PCDHGA3: variants seen among roughly 807,000 people sequenced by gnomAD.
PCDHGA3 encodes protocadherin gamma subfamily A, 3, also known as protocadherin gamma-A3.
In PCDHGA3, 40 loss-of-function variants were observed where a neutral mutation model predicts 58.5. That is an observed-to-expected ratio of 0.68 (90% CI 0.53 to 0.89). The LOEUF is 0.89. Ranked by LOEUF, PCDHGA3 falls within the 40% of genes least tolerant of loss-of-function variation. PCDHGA3 has a pLI of 0.00. For synonymous variants in PCDHGA3, 530 were observed against 525.7 expected, an observed-to-expected ratio of 1.01 and a Z score of -0.11; for missense variants, 1,223 against 1,195.9, an observed-to-expected ratio of 1.02 and a Z score of -0.33.
intron 1 of PCDHGA3, among the ~76,000 whole-genome samples, chr5:141,459,546 C>T (rs575349914): frequency 9.9e-5 from 15 of 152,102 alleles, no homozygotes; most frequent in African/African-American, 3.6e-4. Flanking sequence ...TTTTTTATTT[C>T]TCTTGGATAA....
chr5:141,404,840 C>G lies in PCDHGA3; in HGVS notation c.2424+58383C>G, dbSNP rs377389968. ...GCACACAGGTGAAGTGCGCACAGCT[C>G]GGGCCCTGCTAGATAGAGATGCGCT... is the stretch of plus-strand genomic sequence containing the variant. On this transcript the variant is annotated intron_variant, in intron 1 of 3. Transcript: ENST00000253812. 4 of 1,613,698 alleles carry G rather than the reference C, an allele frequency of 2.5e-6. No individual in the cohort carries two copies. In the Admixed American group the frequency reaches 5.0e-5, roughly 20 times the overall value.
At chr5:141,498,669 C>T (rs774292307) in intron 2 of PCDHGA3, among the ~76,000 whole-genome samples, 29 of 152,156 alleles carry the variant, frequency 1.9e-4, no homozygotes, top group African/African-American at 6.0e-4. Flanking sequence ...TGGTGGCTCA[C>T]GCCTGTAATC....
At chr5:141,468,737 G>A (rs1288031024) in intron 1 of PCDHGA3, among the ~76,000 whole-genome samples, 1 of 151,948 alleles carries the variant, frequency 6.6e-6, no homozygotes, top group African/African-American at 2.4e-5. Context: ...GTGGTGGCGG[G>A]TGCCTGTAGT....
chr5:141,433,329 G>A, intron 1 of PCDHGA3: 1 of 702,998 alleles, frequency 1.4e-6, no homozygotes, highest in Non-Finnish European at 2.4e-6. Context: ...GTGTAACAGG[G>A]ACTACAGGTG....
At chr5:141,466,654 C>A (rs985749176) in intron 1 of PCDHGA3, among the ~76,000 whole-genome samples, 12 of 152,178 alleles carry the variant, frequency 7.9e-5, no homozygotes, top group African/African-American at 2.9e-4. Flanking sequence ...TTTCACAAAA[C>A]ATCAGTGATT....
chr5:141,427,973 C>T (rs754410723), intron 1 of PCDHGA3: 3 of 1,594,054 alleles, frequency 1.9e-6, no homozygotes, highest in Non-Finnish European at 2.6e-6. Context: ...TGCTGTACCC[C>T]GCGCTGGGGC....
At chr5:141,460,951 G>GTATATATATA (rs200454978) in intron 1 of PCDHGA3, among the ~76,000 whole-genome samples, 1 of 139,722 alleles carries the variant, frequency 7.2e-6, no homozygotes, top group African/African-American at 2.8e-5. Context: ...TATGTATTAT[G>GTATATATATA]TATATATATA....
chr5:141,473,186 T>C (rs984810414), intron 1 of PCDHGA3, among the ~76,000 whole-genome samples: 1 of 152,134 alleles, frequency 6.6e-6, no homozygotes, highest in African/African-American at 2.4e-5. Flanking sequence ...CTTGAAGGAG[T>C]AAATGTATCT....
At chr5:141,414,918 G>A (rs1316323072) in intron 1 of PCDHGA3, 2 of 1,614,180 alleles carry the variant, frequency 1.2e-6, no homozygotes, top group Admixed American at 3.3e-5. Flanking sequence ...GCGTGGAGCT[G>A]GCGCCCCGCT....
At chr5:141,470,872 T>TTTTTTG (rs900302332) in intron 1 of PCDHGA3, among the ~76,000 whole-genome samples, 2 of 151,814 alleles carry the variant, frequency 1.3e-5, no homozygotes, top group Admixed American at 1.3e-4. Context: ...GTTTGTTTGT[T>TTTTTTG]TTTTTGTTTT....
chr5:141,394,868 C>G lies in PCDHGA3; in HGVS notation c.2424+48411C>G, dbSNP rs1159006718. On this transcript the variant is annotated intron_variant, in intron 1 of 3. Coordinates refer to ENST00000253812, the MANE Select transcript of PCDHGA3 (RefSeq NM_018916.4). ...GTCTGAAGCCTTCGGTCGACCCGAA[C>G]GATTCGAGCCTTACACTCTATCTCG... The G allele has an allele frequency of 1.7e-5, 27 of 1,613,710 alleles. No homozygotes were observed. In the African/African-American group the frequency reaches 1.7e-4, roughly 10 times the overall value.
At chr5:141,351,867 C>G (rs953262844) in intron 1 of PCDHGA3, 43 of 1,613,138 alleles carry the variant, frequency 2.7e-5, no homozygotes, top group Non-Finnish European at 3.6e-5. Flanking sequence ...CAGGGCTCCC[C>G]CGCGCTCAGC....
At chr5:141,483,801 C>CT (rs1486591615) in intron 1 of PCDHGA3, among the ~76,000 whole-genome samples, 8 of 152,168 alleles carry the variant, frequency 5.3e-5, no homozygotes, top group Non-Finnish European at 8.8e-5. Flanking sequence ...GTTGTTGCTG[C>CT]TTTTTTTGGC....
At chr5:141,413,229 C>A in intron 1 of PCDHGA3, 1 of 1,613,914 alleles carries the variant, frequency 6.2e-7, no homozygotes, top group South Asian at 1.1e-5. Context: ...GCGGGCTGGT[C>A]CTGCTCTGCC....
intron 1 of PCDHGA3, chr5:141,346,668 T>C: frequency 1.4e-6 from 1 of 708,510 alleles, no homozygotes; most frequent in Non-Finnish European, 2.3e-6. Context: ...AAATAATACA[T>C]CGTGAGTGAA....
chr5:141,454,894 G>A (rs1371368633), intron 1 of PCDHGA3, among the ~76,000 whole-genome samples: 2 of 126,736 alleles, frequency 1.6e-5, no homozygotes, highest in Non-Finnish European at 3.1e-5. Context: ...TGCTAGCACC[G>A]CCTCCCGGGT....
chr5:141,426,451 C>T (rs561567196), intron 1 of PCDHGA3: 1 of 308,946 alleles, frequency 3.2e-6, no homozygotes, highest in Non-Finnish European at 6.4e-6. Flanking sequence ...GGACATGCGG[C>T]TGCATGTTCA....
At chr5:141,389,061 T>C in intron 1 of PCDHGA3, 1 of 1,614,022 alleles carries the variant, frequency 6.2e-7, no homozygotes, top group Non-Finnish European at 8.5e-7. Context: ...ATTTAAAATA[T>C]TAACTTCTTC....
At chr5:141,459,606 T>G (rs1430790771) in intron 1 of PCDHGA3, among the ~76,000 whole-genome samples, 1 of 152,250 alleles carries the variant, frequency 6.6e-6, no homozygotes, top group Non-Finnish European at 1.5e-5. Context: ...GGGAAGTATA[T>G]GCTTAACTTT....
Sources: allele counts gnomAD v4.1 joint callset (sites outside exome capture counted in the v4.1 genomes callset), GRCh38; gene constraint gnomAD v4.1.1; transcripts MANE v1.5; gene names NCBI Gene and HGNC (gene_info 2026-07-23, HGNC 2026-07-21).